MAPRE2: variants seen among roughly 807,000 people sequenced by gnomAD.
MAPRE2 encodes the protein microtubule-associated protein RP/EB family member 2.
In MAPRE2, 13 loss-of-function variants were observed where a neutral mutation model predicts 43.2. The ratio of observed to expected loss-of-function variants is 0.30; its 90% CI spans 0.20 to 0.48. MAPRE2 has a LOEUF of 0.48. MAPRE2 is among the 20% of genes least tolerant of loss of function. The pLI, the probability that MAPRE2 is intolerant of heterozygous loss-of-function variation, is 0.99. For missense variants in MAPRE2, 161 were observed against 400.2 expected, an observed-to-expected ratio of 0.40 and a Z score of 5.10; for synonymous variants, 135 against 148.8, an observed-to-expected ratio of 0.91 and a Z score of 0.68.
chr18:35,048,933 G>T (rs1247369242), intron 1 of MAPRE2, among the ~76,000 whole-genome samples: 7 of 152,056 alleles, frequency 4.6e-5, no homozygotes, highest in Admixed American at 3.9e-4. Context: ...AATCGATCCT[G>T]AAGTTTATGG....
intron 2 of MAPRE2, among the ~76,000 whole-genome samples, chr18:35,022,268 A>G (rs1404648215): frequency 6.6e-6 from 1 of 152,210 alleles, no homozygotes; most frequent in Non-Finnish European, 1.5e-5. Flanking sequence ...GAAGTATAAG[A>G]AATACCAGGA....
At chr18:35,073,859 C>T (rs927201561) in intron 2 of MAPRE2, among the ~76,000 whole-genome samples, 7 of 152,060 alleles carry the variant, frequency 4.6e-5, no homozygotes, top group Admixed American at 2.6e-4. Flanking sequence ...GGAAAGATGG[C>T]GTGAGAAAGT....
chr18:35,031,205 T>C (rs12607614), intron 2 of MAPRE2, among the ~76,000 whole-genome samples: 9,465 of 152,254 alleles, frequency 0.062, 570 homozygotes, highest in East Asian at 0.26. Context: ...TTCAGGGAAT[T>C]TTGTCTACAA....
chr18:35,041,897 C>A, intron 1 of MAPRE2: 1 of 920,858 alleles, frequency 1.1e-6, no homozygotes, highest in Non-Finnish European at 1.6e-6. Flanking sequence ...CGAGGGGTCT[C>A]CCTCCATCTC....
intron 2 of MAPRE2, among the ~76,000 whole-genome samples, chr18:35,075,329 TTAGA>T (rs1030245216): frequency 6.6e-5 from 10 of 152,222 alleles, no homozygotes; most frequent in South Asian, 2.1e-4. Flanking sequence ...TTTGTGCCTG[TTAGA>T]TAGGTTGATC....
At chr18:34,996,785 T>TGTG (rs1324339178) in intron 1 of MAPRE2, among the ~76,000 whole-genome samples, 2 of 152,204 alleles carry the variant, frequency 1.3e-5, no homozygotes, top group African/African-American at 4.8e-5. Context: ...AGGTCTGAAA[T>TGTG]GTGGTGCCCT....
At chr18:35,099,848 T>G (rs910146430) in intron 3 of MAPRE2, among the ~76,000 whole-genome samples, 2 of 152,180 alleles carry the variant, frequency 1.3e-5, no homozygotes, top group African/African-American at 4.8e-5. Context: ...ATAAAAAACA[T>G]TTGTGCAAAA....
intron 5 of MAPRE2, among the ~76,000 whole-genome samples, chr18:35,127,886 C>T (rs1909977696): frequency 6.6e-6 from 1 of 152,166 alleles, no homozygotes; most frequent in South Asian, 2.1e-4. Flanking sequence ...GCTCATCTTT[C>T]CTAAGATTAT....
intron 1 of MAPRE2, among the ~76,000 whole-genome samples, chr18:34,985,283 T>A (rs1338708681): frequency 1.1e-3 from 43 of 39,022 alleles, no homozygotes; most frequent in African/African-American, 4.4e-3. Flanking sequence ...ATATAATATA[T>A]TATATATTAT....
chr18:35,085,905 A>G (rs2076649233), intron 2 of MAPRE2, among the ~76,000 whole-genome samples: 2 of 152,176 alleles, frequency 1.3e-5, no homozygotes. Flanking sequence ...CTGCCTTCCC[A>G]TTCTTTGTTG....
intron 1 of MAPRE2, among the ~76,000 whole-genome samples, 181 bp from the exon 2 acceptor site, chr18:35,070,014 A>G (rs76984907): frequency 4.9e-4 from 75 of 152,338 alleles, no homozygotes; most frequent in Non-Finnish European, 9.1e-4. Context: ...TGCATGAAAA[A>G]TATGTGAAAT....
intron 2 of MAPRE2, among the ~76,000 whole-genome samples, chr18:35,036,216 G>A (rs933553941): frequency 1.4e-4 from 22 of 151,946 alleles, no homozygotes; most frequent in African/African-American, 4.8e-4. Context: ...TCCCACCGAC[G>A]ATTGCATCCA....
At chr18:35,137,182 T>A (rs922580570) in intron 6 of MAPRE2, among the ~76,000 whole-genome samples, 1 of 152,210 alleles carries the variant, frequency 6.6e-6, no homozygotes, top group African/African-American at 2.4e-5. Context: ...ATTGATAAAT[T>A]GGGAGCTTTG....
intron 1 of MAPRE2, chr18:34,978,587 A>G: frequency 6.5e-7 from 1 of 1,535,288 alleles, no homozygotes; most frequent in South Asian, 1.2e-5. Context: ...CCTGAACGCT[A>G]AATTTGGCCA....
Position 35,140,292 on chromosome 18 carries a change from C to A in MAPRE2, c.910-3C>A, listed in dbSNP as rs1368976138. The stretch of plus-strand genomic sequence containing the variant: ...TCAGCTGAAACTTCTCCCCTGCCCA[C>A]AGGAGGGCCACACAGAAGAGCCGGA... On this transcript the variant is annotated splice_polypyrimidine_tract_variant and splice_region_variant and intron_variant, in intron 6 of 6. Coordinates refer to ENST00000300249, the MANE Select transcript of MAPRE2 (RefSeq NM_014268.4). 6.2e-7 allele frequency: 1 copy of A among 1,613,334 alleles called. No individual in the cohort carries two copies. The highest frequency in any genetic ancestry group is 8.5e-7 in the Non-Finnish European group (1 of 1,179,706).
chr18:35,105,699 C>G (rs1237830959), intron 4 of MAPRE2, among the ~76,000 whole-genome samples: 2 of 151,782 alleles, frequency 1.3e-5, no homozygotes, highest in African/African-American at 4.8e-5. Context: ...GATGTGGTTT[C>G]TTAGCACATA....
rs542471829 is a variant in MAPRE2 at position 35,064,798 on chromosome 18, A to G, written c.123-5397A>G. On this transcript the variant is annotated intron_variant, in intron 1 of 6. Transcript: ENST00000300249. ...TAACCTTGCTGTACCTCTCCACCCA[A>G]CACCACCGCCAAATACTGAATAAAG... 6.6e-5 allele frequency among the ~76,000 whole-genome samples: 10 copies of G among 152,252 alleles called. No homozygotes were observed. In the East Asian group the frequency reaches 1.9e-3, roughly 29 times the overall value.
At chr18:35,085,497 A>T (rs1412138980) in intron 2 of MAPRE2, among the ~76,000 whole-genome samples, 1 of 152,240 alleles carries the variant, frequency 6.6e-6, no homozygotes, top group African/African-American at 2.4e-5. Flanking sequence ...AAAGAGAAGT[A>T]CATGGAAGAT....
chr18:35,132,023 C>G lies in MAPRE2; in HGVS notation c.751-9C>G. On this transcript the variant is annotated splice_polypyrimidine_tract_variant and intron_variant, in intron 5 of 6. Coordinates refer to ENST00000300249, the MANE Select transcript of MAPRE2 (RefSeq NM_014268.4). ...GTGGTTTTTTTTCTTCACTCTCACTCCCTTGCAGGTACATTCATTAAAACT... is the reference window on the plus strand; with the variant it reads ...GTGGTTTTTTTTCTTCACTCTCACTGCCTTGCAGGTACATTCATTAAAACT... 1.2e-6 allele frequency: 2 copies of G among 1,613,838 alleles called. No homozygotes were observed. Among genetic ancestry groups the G allele is most frequent in the African/African-American group, 2.7e-5 (2 of 74,984 alleles).
Sources: allele counts gnomAD v4.1 joint callset (sites outside exome capture counted in the v4.1 genomes callset), GRCh38; gene constraint gnomAD v4.1.1; transcripts MANE v1.5; gene names NCBI Gene and HGNC (gene_info 2026-07-23, HGNC 2026-07-21).